GSE1: variants seen among roughly 807,000 people sequenced by gnomAD.
GSE1 encodes the protein genetic suppressor element 1.
Under a neutral mutation model 112.6 loss-of-function variants are expected in GSE1, and 32 were observed. That is an observed-to-expected ratio of 0.28 (90% CI 0.21 to 0.38). GSE1 has a LOEUF of 0.38. GSE1 is among the 10% of genes least tolerant of loss of function. The pLI, the probability that GSE1 is intolerant of heterozygous loss-of-function variation, is 1.00. For missense variants in GSE1, 2,348 were observed against 1,699.2 expected, an observed-to-expected ratio of 1.38 and a Z score of -6.71; for synonymous variants, 1,115 against 735.6, an observed-to-expected ratio of 1.52 and a Z score of -8.35.
At chr16:85,652,222 C>G (rs756283357) in intron 3 of GSE1, among the ~76,000 whole-genome samples, 6 of 152,226 alleles carry the variant, frequency 3.9e-5, no homozygotes, top group Admixed American at 3.9e-4. Context: ...GAGCAGGTGC[C>G]GTGACGGGCA....
At chr16:85,635,067 G>T (rs147058996) in intron 2 of GSE1, among the ~76,000 whole-genome samples, 219 of 152,336 alleles carry the variant, frequency 1.4e-3, no homozygotes, top group African/African-American at 5.1e-3. Flanking sequence ...ACACATGCAG[G>T]AGCCATGTCC....
At chr16:85,604,848 C>T (rs1239229871) in intron 1 of GSE1, among the ~76,000 whole-genome samples, 73 of 29,518 alleles carry the variant, frequency 2.5e-3, no homozygotes, top group Non-Finnish European at 3.1e-3. Flanking sequence ...GATGGAGTCT[C>T]GCTCTGTCGC....
chr16:85,195,621 A>G (rs56090599), intron 1 of GSE1, among the ~76,000 whole-genome samples: 30,183 of 152,050 alleles, frequency 0.2, 3,326 homozygotes, highest in Middle Eastern at 0.3. Flanking sequence ...CTAATCCCCT[A>G]TCGAGGTAAA....
chr16:85,588,803 G>A (rs1359011532), intron 1 of GSE1, among the ~76,000 whole-genome samples: 1 of 152,176 alleles, frequency 6.6e-6, no homozygotes, highest in Non-Finnish European at 1.5e-5. Flanking sequence ...CTGGAGGGCT[G>A]AGGACAGCCC....
intron 1 of GSE1, among the ~76,000 whole-genome samples, chr16:85,301,168 G>A (rs16975497): frequency 0.028 from 4,219 of 152,300 alleles, 184 homozygotes; most frequent in African/African-American, 0.096. Context: ...GTGTCAGGGC[G>A]GTTGCCAAGC....
At chr16:85,584,535 C>A (rs920594410) in intron 1 of GSE1, among the ~76,000 whole-genome samples, 1 of 152,352 alleles carries the variant, frequency 6.6e-6, no homozygotes, top group African/African-American at 2.4e-5. Context: ...GCTTTGAGAA[C>A]GCCTGCGAAG....
intron 1 of GSE1, among the ~76,000 whole-genome samples, chr16:85,292,875 T>C (rs1255916213): frequency 6.6e-6 from 1 of 152,242 alleles, no homozygotes; most frequent in East Asian, 1.9e-4. Flanking sequence ...ACAGGGACAA[T>C]GCTAGACATT....
intron 2 of GSE1, among the ~76,000 whole-genome samples, chr16:85,376,559 G>A (rs1025779661): frequency 5.3e-5 from 8 of 152,356 alleles, no homozygotes; most frequent in Admixed American, 2.0e-4. Context: ...CCTGCCGGGC[G>A]TGTGGTCCTG....
At chr16:85,199,552 C>T (rs571499077) in intron 1 of GSE1, among the ~76,000 whole-genome samples, 10 of 152,314 alleles carry the variant, frequency 6.6e-5, no homozygotes, top group African/African-American at 1.9e-4. Flanking sequence ...GGCTTAGCTG[C>T]GAAAAGAGAC....
chr16:85,414,338 G>A (rs1361394600), intron 2 of GSE1, among the ~76,000 whole-genome samples: 3 of 152,246 alleles, frequency 2.0e-5, no homozygotes. Flanking sequence ...CAACATCTAT[G>A]TCAACAACCC....
rs1333463122 is a variant in GSE1 at position 85,222,376 on chromosome 16, G to T, written c.2283+50569G>T. On this transcript the variant is annotated intron_variant, in intron 1 of 2. Transcript: ENST00000637419. ...AGAGGTCCCTTAGACCACAGGGCGG[G>T]CTGGAGGCTATGCCCCCTGCTTGCG... 3.3e-5 allele frequency among the ~76,000 whole-genome samples: 5 copies of T among 152,258 alleles called. No homozygotes were observed. The East Asian group carries it at 9.6e-4, about 29-fold the overall frequency.
rs116484696 is a variant in GSE1, at chr16:85,498,276, C to G, written c.2465-135638C>G. Among the ~76,000 whole-genome samples, 441 of 152,258 alleles carry G rather than the reference C, an allele frequency of 2.9e-3. 3 individuals are homozygous for G. Among genetic ancestry groups the G allele is most frequent in the African/African-American group, 0.01 (421 of 41,524 alleles). On this transcript the variant is annotated intron_variant, in intron 2 of 2. Coordinates refer to the GSE1 transcript ENST00000637419. ...CAGTGAGTCCCCTTCCCCACCAACA[C>G]ACATGCATAGATGGCTACACAGATA...
chr16:85,407,905 T>C (rs1197284139), intron 2 of GSE1, among the ~76,000 whole-genome samples: 6 of 30,322 alleles, frequency 2.0e-4, no homozygotes, highest in East Asian at 1.6e-3. Context: ...AGGGCCCCCC[T>C]GGATAATCCT....
At chr16:85,199,172 G>A (rs2074982842) in intron 1 of GSE1, among the ~76,000 whole-genome samples, 1 of 152,148 alleles carries the variant, frequency 6.6e-6, no homozygotes, top group African/African-American at 2.4e-5. Flanking sequence ...GGCCAGGCTT[G>A]TCTCAACCTC....
chr16:85,361,443 C>T (rs1158327379), intron 2 of GSE1, among the ~76,000 whole-genome samples: 3 of 152,192 alleles, frequency 2.0e-5, no homozygotes, highest in South Asian at 4.1e-4. Context: ...CCATCCCCAC[C>T]ACAGCCCCGT....
At chr16:85,304,612 G>GT in intron 1 of GSE1, among the ~76,000 whole-genome samples, 1 of 133,916 alleles carries the variant, frequency 7.5e-6, no homozygotes, top group African/African-American at 2.6e-5. Flanking sequence ...GGGGGGGTGG[G>GT]GCATCCCTTT....
intron 1 of GSE1, among the ~76,000 whole-genome samples, chr16:85,274,023 A>C (rs117443007): frequency 6.6e-6 from 1 of 151,134 alleles, no homozygotes; most frequent in South Asian, 2.1e-4. Flanking sequence ...GTGATGAAAA[A>C]GTTCTGGAAG....
intron 1 of GSE1, among the ~76,000 whole-genome samples, chr16:85,613,753 G>C (rs1170721100): frequency 6.6e-6 from 1 of 151,176 alleles, no homozygotes; most frequent in Non-Finnish European, 1.5e-5. Flanking sequence ...AGCTGCGGGC[G>C]CTGGAGAGCT....
intron 2 of GSE1, among the ~76,000 whole-genome samples, chr16:85,504,235 A>C (rs988797769): frequency 6.6e-6 from 1 of 152,012 alleles, no homozygotes; most frequent in African/African-American, 2.4e-5. Context: ...CCTGAGGGCC[A>C]CCCCCAAAGC....
Sources: allele counts gnomAD v4.1 joint callset (sites outside exome capture counted in the v4.1 genomes callset), GRCh38; gene constraint gnomAD v4.1.1; transcripts MANE v1.5; gene names NCBI Gene and HGNC (gene_info 2026-07-23, HGNC 2026-07-21).